USH2A: variants seen among roughly 807,000 people sequenced by gnomAD.
USH2A encodes the protein usherin.
USH2A carries 443 observed loss-of-function variants against 538.9 expected under a neutral mutation model. The ratio of observed to expected loss-of-function variants is 0.82; its 90% CI spans 0.76 to 0.89. USH2A has a LOEUF of 0.89. Ranked by LOEUF, USH2A falls within the 40% of genes least tolerant of loss-of-function variation. The pLI is 0.00. For synonymous variants in USH2A, 2,413 were observed against 2,273.5 expected (o/e 1.06, Z -1.75); for missense variants, 6,633 against 6,324.8 (o/e 1.05, Z -1.65).
At chr1:216,158,016 T>C (rs1254391090) in intron 21 of USH2A, among the ~76,000 whole-genome samples, 1 of 152,178 alleles carries the variant, frequency 6.6e-6, no homozygotes, top group African/African-American at 2.4e-5. Context: ...TCTAGCTTCT[T>C]TTACTCACTA....
At chr1:216,069,831 T>C (rs919932951) in intron 30 of USH2A, among the ~76,000 whole-genome samples, 1 of 152,182 alleles carries the variant, frequency 6.6e-6, no homozygotes, top group Non-Finnish European at 1.5e-5. Flanking sequence ...TAAAGGGCTA[T>C]AGCCACCTAT....
chr1:215,776,376 T>C (rs1294983130), intron 55 of USH2A, among the ~76,000 whole-genome samples: 3 of 152,254 alleles, frequency 2.0e-5, no homozygotes, highest in Admixed American at 2.0e-4. Flanking sequence ...AATTACTTAA[T>C]GCTTTTTTTA....
intron 40 of USH2A, among the ~76,000 whole-genome samples, chr1:215,896,024 C>T (rs1446875013): frequency 2.0e-5 from 3 of 152,114 alleles, no homozygotes; most frequent in Non-Finnish European, 4.4e-5. Flanking sequence ...ATGGGTCCAC[C>T]GTCATATATG....
chr1:216,323,622 T>G lies in USH2A; in HGVS notation c.1402A>C (p.Asn468His), dbSNP rs746744547. Residue 468 changes from asparagine (N) to histidine (H), a missense_variant, in exon 8 of 72, where the codon AAT becomes CAT. Transcript: ENST00000307340. ...TPGPNYRPGY[N>H]NFYNTPSLQE... Reference sequence around the variant, plus strand: ...AGAGATGGGGTATTATAGAAGTTATTGTATCCAGGACGATAATTTGGTCCA... The same window carrying G: ...AGAGATGGGGTATTATAGAAGTTATGGTATCCAGGACGATAATTTGGTCCA... 6.2e-7 allele frequency: 1 copy of G among 1,613,578 alleles called. No homozygotes were observed. Among genetic ancestry groups the G allele is most frequent in the South Asian group, 1.1e-5 (1 of 91,072 alleles).
intron 56 of USH2A, among the ~76,000 whole-genome samples, chr1:215,760,834 C>T (rs1367844025): frequency 6.6e-6 from 1 of 152,212 alleles, no homozygotes; most frequent in Non-Finnish European, 1.5e-5. Context: ...TCATAAACTC[C>T]TGTCATAGCT....
At chr1:215,982,510 C>T (rs933049767) in intron 35 of USH2A, among the ~76,000 whole-genome samples, 1 of 152,154 alleles carries the variant, frequency 6.6e-6, no homozygotes, top group African/African-American at 2.4e-5. Context: ...CTGTCATTAG[C>T]CAATAGTTTC....
chr1:216,255,964 C>T (rs908102040), intron 11 of USH2A, among the ~76,000 whole-genome samples: 9 of 152,026 alleles, frequency 5.9e-5, no homozygotes, highest in African/African-American at 2.2e-4. Context: ...ACTCCTTTTG[C>T]AAAATGAAAT....
chr1:216,422,260 G>A lies in USH2A; in HGVS notation c.77C>T (p.Ala26Val), dbSNP rs764409229. 3.7e-6 allele frequency: 6 copies of A among 1,613,628 alleles called. No homozygotes were observed. Among genetic ancestry groups the A allele is most frequent in the Non-Finnish European group, 5.1e-6 (6 of 1,179,810 alleles). The change falls in exon 2 of 72, where the codon GCT becomes GTT. Residue 26 changes from alanine to valine, a missense_variant. By Grantham distance (64) the Ala-to-Val change is moderately conservative. Coordinates refer to ENST00000307340, the MANE Select transcript of USH2A (RefSeq NM_206933.4). Reference protein sequence around the residue: ...VIEMLIFAYFASISLTESRGL... With the variant: ...VIEMLIFAYFVSISLTESRGL... ...TCGTGACTCAGTCAAGGATATTGAA[G>A]CAAAATAGGCAAAGATCAACATTTC... is the stretch of plus-strand genomic sequence containing the variant.
At chr1:216,387,497 T>C (rs1279865201) in intron 3 of USH2A, among the ~76,000 whole-genome samples, 1 of 152,220 alleles carries the variant, frequency 6.6e-6, no homozygotes, top group Non-Finnish European at 1.5e-5. Flanking sequence ...TATTGTCACA[T>C]TTAGATAATT....
At chr1:216,272,919 A>G (rs754780370) in intron 11 of USH2A, among the ~76,000 whole-genome samples, 1 of 152,148 alleles carries the variant, frequency 6.6e-6, no homozygotes, top group Non-Finnish European at 1.5e-5. Flanking sequence ...AAGAGACTCC[A>G]GGGGAATCAG....
intron 30 of USH2A, among the ~76,000 whole-genome samples, chr1:216,053,512 G>A (rs1439011569): frequency 7.2e-6 from 1 of 139,384 alleles, no homozygotes; most frequent in Non-Finnish European, 1.5e-5. Context: ...AGATGACCTC[G>A]CAAACTGCCT....
At chr1:216,044,435 T>C (rs1187090305) in intron 32 of USH2A, among the ~76,000 whole-genome samples, 1 of 152,148 alleles carries the variant, frequency 6.6e-6, no homozygotes, top group Non-Finnish European at 1.5e-5. Context: ...GTTCCTTCCA[T>C]GGTGTGATTT....
In USH2A at chr1:215,817,179, A is replaced by G. The variant is rs773132672; in HGVS notation, c.9388T>C (p.Trp3130Arg). The G allele has an allele frequency of 6.2e-7, 1 of 1,612,212 alleles. No individual in the cohort carries two copies. The highest frequency in any genetic ancestry group is 1.3e-5 in the African/African-American group (1 of 74,936). ...GITSRSLQID[W>R]VSPRKPNGII... ...CCATTTGGCTTCCGTGGAGACACCC[A>G]ATCAATTTGAAGAGATCTGCAACAG... Residue 3130 changes from tryptophan (W) to arginine (R), a missense_variant, in exon 48 of 72, where the codon TGG (tryptophan) becomes CGG (arginine). Transcript: ENST00000307340.
chr1:215,834,236 T>A (rs1056115862), intron 47 of USH2A, among the ~76,000 whole-genome samples: 4 of 152,106 alleles, frequency 2.6e-5, no homozygotes, highest in Non-Finnish European at 5.9e-5. Context: ...AAAACCTGTA[T>A]ATAGATGTTT....
intron 36 of USH2A, 86 bp downstream of exon 36, chr1:215,970,539 G>A (rs904636293): frequency 7.1e-6 from 11 of 1,551,880 alleles, no homozygotes; most frequent in Non-Finnish European, 9.8e-6. Flanking sequence ...TGTGCAGAGG[G>A]TGAGTCACCG....
chr1:215,709,838 T>C (rs1659287887), intron 61 of USH2A, among the ~76,000 whole-genome samples: 1 of 152,236 alleles, frequency 6.6e-6, no homozygotes, highest in Admixed American at 6.5e-5. Context: ...GCACTGGGGC[T>C]ATTTTAACCA....
chr1:215,640,538 A>G lies in USH2A; in HGVS notation c.14968+20T>C. 1 of 1,613,282 alleles carries G rather than the reference A, an allele frequency of 6.2e-7. No homozygotes were observed. The highest frequency in any genetic ancestry group is 8.5e-7 in the Non-Finnish European group (1 of 1,179,980). On this transcript the variant is annotated intron_variant, in intron 68 of 71. Transcript: ENST00000307340. Reference sequence around the variant, plus strand: ...GAACAGAGCGCCTTCCACACTGAGAAACAGGAGTCAGAAACTAACTTTTGT... The same window carrying G: ...GAACAGAGCGCCTTCCACACTGAGAGACAGGAGTCAGAAACTAACTTTTGT...
rs114869093 is a variant in USH2A, at chr1:216,349,535, C to T, written c.784+15418G>A. On this transcript the variant is annotated intron_variant, in intron 4 of 71. Coordinates refer to ENST00000307340, the MANE Select transcript of USH2A (RefSeq NM_206933.4). ...CAGTAAAGAAGCCAGCTAAAACCCA[C>T]GAAAACCAATACGGCAATAAGAGTG... Among the ~76,000 whole-genome samples, 736 of 152,246 alleles carry T rather than the reference C, an allele frequency of 4.8e-3. 4 individuals carry two copies. Among genetic ancestry groups the T allele is most frequent in the African/African-American group, 0.017 (703 of 41,548 alleles).
chr1:215,736,318 T>C (rs1330346580), intron 60 of USH2A, among the ~76,000 whole-genome samples: 2 of 152,164 alleles, frequency 1.3e-5, no homozygotes, highest in African/African-American at 4.8e-5. Context: ...CTATTGATTT[T>C]ATTCACTTAT....
Sources: gnomAD v4.1 joint callset for allele counts (sites outside exome capture counted in the v4.1 genomes callset) on GRCh38, gnomAD v4.1.1 for gene constraint, MANE v1.5 for transcripts, NCBI Gene and HGNC (gene_info 2026-07-23, HGNC 2026-07-21) for gene names.